The following RASSF5 variants were observed in gnomAD, a reference collection of about 807,000 sequenced individuals.
RASSF5 encodes the protein ras association domain-containing protein 5.
A neutral mutation model predicts 40.5 loss-of-function variants in RASSF5; 25 were observed. The ratio of observed to expected loss-of-function variants is 0.62; its 90% CI spans 0.45 to 0.86. The LOEUF (loss-of-function observed/expected upper bound fraction) is 0.86, where lower values mean the gene tolerates loss of function less well. Among genes scored for constraint, RASSF5 ranks in the 40% least tolerant of loss-of-function variants. The probability of loss-of-function intolerance (pLI) is 0.00; values close to 1 mark genes in which losing one functional copy is unlikely to be tolerated. For missense variants in RASSF5, 521 were observed against 572.8 expected, an observed-to-expected ratio of 0.91 and a Z score of 0.92; for synonymous variants, 246 against 252.4, an observed-to-expected ratio of 0.97 and a Z score of 0.24.
At position 206,579,322 on chromosome 1, in the gene RASSF5, T is replaced by C. The variant is rs1456125557; in HGVS notation, c.580-3947T>C. On this transcript the variant is annotated intron_variant, in intron 2 of 5. Coordinates refer to ENST00000579436, the MANE Select transcript of RASSF5 (RefSeq NM_182663.4). This position sits in a 1 kb window ranked among gnomAD's most constrained non-coding sequence, Gnocchi z 4.2. ...GCCAATGTCTATATTTGTTAAATCA[T>C]AACAGAGTTCCCTATTCTGTCTCTA... Among the ~76,000 whole-genome samples, 1 of 152,206 alleles carries C rather than the reference T, an allele frequency of 6.6e-6. No homozygotes were observed. The highest frequency in any genetic ancestry group is 1.9e-4 in the East Asian group (1 of 5,200).
In RASSF5 at chr1:206,507,742, C is replaced by T. The variant is rs888516223; in HGVS notation, c.140C>T (p.Pro47Leu). 12 of 1,471,462 alleles carry T rather than the reference C, an allele frequency of 8.2e-6. No homozygotes were observed. The highest frequency in any genetic ancestry group is 1.1e-5 in the Non-Finnish European group (12 of 1,118,646). The allele number at this position is 1,471,462 out of a possible 1,614,324, so 91.2% of individuals were successfully genotyped here. The part of the protein sequence containing the change: ...PPDRSSRLCV[P>L]APLSTAPGAR... ...GACCGGTCCTCGCGCCTCTGTGTCC[C>T]GGCGCCCCTCTCCACTGCGCCCGGG... The change falls in exon 1 of 6, where the codon CCG becomes CTG. Residue 47 changes from proline to leucine, a missense_variant. Around this residue, in one of 2 missense-constraint regions of RASSF5, gnomAD observed 237 missense variants for 212.0 expected, o/e 1.12. Transcript: ENST00000579436.
At chr1:206,568,272 C>G (rs1398404011) in intron 2 of RASSF5, among the ~76,000 whole-genome samples, 1 of 152,180 alleles carries the variant, frequency 6.6e-6, no homozygotes, top group Non-Finnish European at 1.5e-5. Flanking sequence ...CATATTAATC[C>G]CTGAGCACCT....
At chr1:206,528,900 C>T in intron 1 of RASSF5, 1 of 548,322 alleles carries the variant, frequency 1.8e-6, no homozygotes. Context: ...TAGCTCTCTC[C>T]TCGCATTGCC....
At chr1:206,578,438 A>G (rs1443529692) in intron 2 of RASSF5, among the ~76,000 whole-genome samples, 1 of 152,176 alleles carries the variant, frequency 6.6e-6, no homozygotes, top group Non-Finnish European at 1.5e-5. Context: ...TGAGTAGAAT[A>G]GTGCACGGTA....
At position 206,579,384 on chromosome 1, in the gene RASSF5, G is replaced by T. The variant is rs893418213; in HGVS notation, c.580-3885G>T. 2.0e-5 allele frequency among the ~76,000 whole-genome samples: 3 copies of T among 152,312 alleles called. No individual in the cohort carries two copies. In the East Asian group the frequency reaches 5.8e-4, roughly 29 times the overall value. ...CCCAAGAGGCAAAACTGTCTGCTTG[G>T]TTTCTCGCTTTGTACCCGTGGACAG... On this transcript the variant is annotated intron_variant, in intron 2 of 5. Coordinates refer to ENST00000579436, the MANE Select transcript of RASSF5 (RefSeq NM_182663.4). The surrounding 1 kb of genome is among the most constrained non-coding windows in gnomAD (Gnocchi z 4.2).
In RASSF5 at chr1:206,507,663, CCGCCG is replaced by C; in HGVS notation, c.65_69del (p.Pro22LeufsTer115). 1 of 1,526,908 alleles carries C rather than the reference CCGCCG, an allele frequency of 6.5e-7. No individual in the cohort carries two copies. The highest frequency in any genetic ancestry group is 8.7e-7 in the Non-Finnish European group (1 of 1,143,340). 94.6% of individuals were successfully genotyped at this position (1,526,908 alleles called of 1,614,324 possible). On this transcript the variant is annotated frameshift_variant, in exon 1 of 6. Coordinates refer to ENST00000579436, the MANE Select transcript of RASSF5 (RefSeq NM_182663.4). LOFTEE classifies it high-confidence loss of function. ...GTACCCGCTACTATTGGACCCCGAG[CCGCCG>C]CGCTATCTACAGAGCCTGAGCGGCC...
chr1:206,575,796 G>A (rs940582941), intron 2 of RASSF5, among the ~76,000 whole-genome samples: 3 of 152,234 alleles, frequency 2.0e-5, no homozygotes, highest in Admixed American at 1.3e-4. Flanking sequence ...AGACGTCACA[G>A]GTCATTTGAT....
intron 2 of RASSF5, among the ~76,000 whole-genome samples, chr1:206,545,726 C>T (rs868966719): frequency 1.3e-5 from 2 of 152,258 alleles, no homozygotes; most frequent in African/African-American, 4.8e-5. Context: ...ATGAAATCTA[C>T]TTTGTCCAAT....
intron 2 of RASSF5, among the ~76,000 whole-genome samples, chr1:206,547,010 C>T (rs569215093): frequency 6.6e-6 from 1 of 152,148 alleles, no homozygotes; most frequent in East Asian, 1.9e-4. Flanking sequence ...GTGGCTCACA[C>T]CTGTAATCCT....
chr1:206,545,874 T>C (rs1667670151), intron 2 of RASSF5, among the ~76,000 whole-genome samples: 1 of 151,950 alleles, frequency 6.6e-6, no homozygotes, highest in South Asian at 2.1e-4. Context: ...GATCTTGTTT[T>C]TTTTTAAACC....
rs1233464559 is a variant in RASSF5, at chr1:206,535,743, TGAGAGAGA to T, written c.458-2418_458-2411del. 1.6e-5 allele frequency among the ~76,000 whole-genome samples: 2 copies of T among 128,314 alleles called. No individual in the cohort carries two copies. The highest frequency in any genetic ancestry group is 5.7e-5 in the African/African-American group (2 of 34,952). 84.2% of individuals were successfully genotyped at this position (128,314 alleles called of 152,430 possible). A position where few individuals can be genotyped will look rare whatever the true frequency, so the allele number is the denominator to read the frequency against. On this transcript the variant is annotated intron_variant, in intron 1 of 5. Coordinates refer to ENST00000579436, the MANE Select transcript of RASSF5 (RefSeq NM_182663.4). The surrounding 1 kb of genome is among the most constrained non-coding windows in gnomAD (Gnocchi z 5.0). ...GTGTGTGTGTGTGTGTGTGTGTGTG[TGAGAGAGA>T]GAGAGAGAGATGGAAATTGAGAGAT...
intron 2 of RASSF5, among the ~76,000 whole-genome samples, chr1:206,561,119 G>T (rs1235658530): frequency 6.6e-6 from 1 of 152,194 alleles, no homozygotes; most frequent in South Asian, 2.1e-4. Context: ...CCAGAGCATT[G>T]GGGTGAGTGC....
Position 206,573,728 on chromosome 1 carries a change from C to T in RASSF5, c.580-9541C>T, listed in dbSNP as rs564186396. Among the ~76,000 whole-genome samples, 11 of 152,324 alleles carry T rather than the reference C, an allele frequency of 7.2e-5. No individual in the cohort carries two copies. In the South Asian group the frequency reaches 2.3e-3, roughly 32 times the overall value. The stretch of plus-strand genomic sequence containing the variant: ...TCTACTTGGAAGTTAATATAAGTAG[C>T]CAGGCGTAGTGGCTCACGCCTGTAA... On this transcript the variant is annotated intron_variant, in intron 2 of 5. Transcript: ENST00000579436.
At chr1:206,520,174 G>A (rs145075944) in intron 1 of RASSF5, among the ~76,000 whole-genome samples, 3 of 152,306 alleles carry the variant, frequency 2.0e-5, no homozygotes, top group East Asian at 3.9e-4. Context: ...TAGCATTTGG[G>A]CTTAATTGCC....
chr1:206,546,949 C>T (rs1553400276), intron 2 of RASSF5, among the ~76,000 whole-genome samples: 1 of 152,106 alleles, frequency 6.6e-6, no homozygotes, highest in African/African-American at 2.4e-5. Context: ...GTCTACCTGT[C>T]AAATGATACT....
chr1:206,537,286 G>C (rs1390773435), intron 1 of RASSF5, among the ~76,000 whole-genome samples: 3 of 152,130 alleles, frequency 2.0e-5, no homozygotes, highest in African/African-American at 7.2e-5. Context: ...GAACATTGTC[G>C]ATGGAATGTG....
At chr1:206,572,587 C>T (rs1358595901) in intron 2 of RASSF5, 1 of 152,206 alleles carries the variant, frequency 6.6e-6, no homozygotes, top group Non-Finnish European at 1.5e-5. Context: ...GACAGTCAGT[C>T]GCCCTACCTG....
rs1667749852 is a variant in RASSF5, at chr1:206,548,381, G to A, written c.579+10088G>A. Among the ~76,000 whole-genome samples the A allele has an allele frequency of 2.0e-5, 3 of 152,110 alleles. 1 individual carries two copies. In the South Asian group the frequency reaches 6.2e-4, roughly 32 times the overall value. On this transcript the variant is annotated intron_variant, in intron 2 of 5. Coordinates refer to ENST00000579436, the MANE Select transcript of RASSF5 (RefSeq NM_182663.4). The stretch of plus-strand genomic sequence containing the variant: ...GCAGGCATGTCACATGGTGAGAGAG[G>A]GAGCCAGAGAGAGAGGAGGAGGCGC...
intron 1 of RASSF5, among the ~76,000 whole-genome samples, chr1:206,514,689 C>A (rs1474853024): frequency 7.2e-5 from 11 of 152,136 alleles, no homozygotes; most frequent in African/African-American, 2.7e-4. Flanking sequence ...GAAAGTCAGG[C>A]CAAAAAGAAG....
Sources: allele counts gnomAD v4.1 joint callset (sites outside exome capture counted in the v4.1 genomes callset), GRCh38; gene constraint gnomAD v4.1.1; regional missense constraint gnomAD v4.1.1; non-coding constraint Gnocchi (gnomAD v3.1); transcripts MANE v1.5; gene names NCBI Gene and HGNC (gene_info 2026-07-23, HGNC 2026-07-21).